MAGI2: variants seen among roughly 807,000 people sequenced by gnomAD.
MAGI2 encodes membrane associated guanylate kinase, WW and PDZ domain containing 2, also known as membrane-associated guanylate kinase, WW and PDZ domain-containing protein 2.
MAGI2 carries 35 observed loss-of-function variants against 133.3 expected under a neutral mutation model. The ratio of observed to expected loss-of-function variants is 0.26; its 90% CI spans 0.20 to 0.35. The LOEUF (loss-of-function observed/expected upper bound fraction) is 0.35. Ranked by LOEUF, MAGI2 falls within the 10% of genes least tolerant of loss-of-function variation. The pLI is 1.00. For synonymous variants in MAGI2, 729 were observed against 710.6 expected (o/e 1.03, Z -0.41); for missense variants, 1,636 against 1,863.4 (o/e 0.88, Z 2.25).
At chr7:78,395,993 C>T (rs1451384681) in intron 6 of MAGI2, among the ~76,000 whole-genome samples, 1 of 152,156 alleles carries the variant, frequency 6.6e-6, no homozygotes, top group Non-Finnish European at 1.5e-5. Context: ...GCTATGTGTT[C>T]TTGGATGCAG....
chr7:78,899,036 G>C (rs1797415165), intron 2 of MAGI2, among the ~76,000 whole-genome samples: 1 of 152,026 alleles, frequency 6.6e-6, no homozygotes, highest in South Asian at 2.1e-4. Flanking sequence ...TATTAATTAG[G>C]GGTTTTTTCT....
intron 14 of MAGI2, among the ~76,000 whole-genome samples, chr7:78,173,261 C>G (rs973304234): frequency 3.7e-4 from 56 of 152,324 alleles, no homozygotes; most frequent in South Asian, 8.3e-4. Flanking sequence ...TGCATTCACG[C>G]ATCTGAGCTT....
intron 3 of MAGI2, among the ~76,000 whole-genome samples, chr7:78,564,257 G>A (rs539630978): frequency 1.3e-5 from 2 of 152,212 alleles, no homozygotes; most frequent in South Asian, 2.1e-4. Context: ...TCTGCTCAGC[G>A]TTTTAGTATT....
chr7:79,310,311 G>T (rs1435549220), intron 1 of MAGI2, among the ~76,000 whole-genome samples: 2 of 151,366 alleles, frequency 1.3e-5, no homozygotes, highest in East Asian at 3.9e-4. Context: ...TCCATGGAGG[G>T]ATGAAAGAAC....
intron 10 of MAGI2, among the ~76,000 whole-genome samples, chr7:78,223,493 T>A (rs939810797): frequency 6.6e-6 from 1 of 152,196 alleles, no homozygotes; most frequent in Admixed American, 6.5e-5. Context: ...GGGGAGAGGA[T>A]AACTACCTCA....
chr7:78,212,971 A>G (rs930235110), intron 10 of MAGI2, among the ~76,000 whole-genome samples: 1 of 152,176 alleles, frequency 6.6e-6, no homozygotes, highest in Non-Finnish European at 1.5e-5. Context: ...CACCACACCC[A>G]GCCAAGACTT....
intron 2 of MAGI2, among the ~76,000 whole-genome samples, chr7:78,814,614 T>TTGTG (rs148365585): frequency 2.6e-5 from 4 of 151,748 alleles, no homozygotes; most frequent in East Asian, 1.9e-4. Context: ...TTTTATGTCT[T>TTGTG]TGTGTGTGTG....
chr7:79,280,004 G>A (rs147035394), intron 1 of MAGI2, among the ~76,000 whole-genome samples: 6 of 152,264 alleles, frequency 3.9e-5, no homozygotes, highest in African/African-American at 1.4e-4. Context: ...GAAACTAGGA[G>A]GAGGTCTTTT....
At chr7:78,034,033 T>C (rs1274702849) in intron 21 of MAGI2, among the ~76,000 whole-genome samples, 1 of 152,204 alleles carries the variant, frequency 6.6e-6, no homozygotes, top group African/African-American at 2.4e-5. Context: ...TGTGGTGTTT[T>C]AGGTTCTTTT....
chr7:78,094,614 A>G (rs1286377959), intron 20 of MAGI2, among the ~76,000 whole-genome samples: 1 of 151,962 alleles, frequency 6.6e-6, no homozygotes, highest in Non-Finnish European at 1.5e-5. Flanking sequence ...GAAAATCCTT[A>G]TTTTCTTATC....
chr7:78,347,184 T>G (rs1036611244), intron 7 of MAGI2: 8 of 152,222 alleles, frequency 5.3e-5, no homozygotes, highest in African/African-American at 9.7e-5. Flanking sequence ...GCACACACAC[T>G]TATTGTGTGT....
At chr7:78,512,721 G>A (rs999655088) in intron 4 of MAGI2, among the ~76,000 whole-genome samples, 1 of 152,066 alleles carries the variant, frequency 6.6e-6, no homozygotes, top group Non-Finnish European at 1.5e-5. Context: ...GTCTAGCCAG[G>A]GGTATGTGAA....
chr7:79,419,983 C>T lies in MAGI2; in HGVS notation c.301+33037G>A, dbSNP rs184964607. 1.8e-3 allele frequency among the ~76,000 whole-genome samples: 272 copies of T among 152,082 alleles called. 3 individuals carry two copies. The highest frequency in any genetic ancestry group is 6.4e-3 in the African/African-American group (264 of 41,558). ...AAGTTAATCAGCAGCCCATATTGGC[C>T]CACAAGGGCATATTATTGGTTACAT... On this transcript the variant is annotated intron_variant, in intron 1 of 21. Coordinates refer to ENST00000354212, the MANE Select transcript of MAGI2 (RefSeq NM_012301.4).
intron 10 of MAGI2, among the ~76,000 whole-genome samples, chr7:78,211,455 G>A (rs1319598584): frequency 6.6e-6 from 1 of 152,122 alleles, no homozygotes; most frequent in African/African-American, 2.4e-5. Context: ...CTAGCTATGT[G>A]GTCTCACATA....
At chr7:79,311,949 T>A (rs1838324247) in intron 1 of MAGI2, among the ~76,000 whole-genome samples, 1 of 152,112 alleles carries the variant, frequency 6.6e-6, no homozygotes, top group African/African-American at 2.4e-5. Flanking sequence ...AATTTGTATA[T>A]CCAGAATATC....
At chr7:78,289,721 C>T (rs1182638087) in intron 9 of MAGI2, among the ~76,000 whole-genome samples, 10 of 151,964 alleles carry the variant, frequency 6.6e-5, no homozygotes, top group Admixed American at 5.9e-4. Context: ...GTTGGGTTAC[C>T]CACAAAAGGA....
chr7:78,200,614 CACAT>C (rs1158036730), intron 11 of MAGI2, among the ~76,000 whole-genome samples: 1 of 151,984 alleles, frequency 6.6e-6, no homozygotes, highest in Non-Finnish European at 1.5e-5. Context: ...TACACAAAGA[CACAT>C]ACACACATTA....
intron 1 of MAGI2, among the ~76,000 whole-genome samples, chr7:79,171,364 T>G (rs1251248518): frequency 1.3e-5 from 2 of 152,018 alleles, no homozygotes; most frequent in Non-Finnish European, 2.9e-5. Flanking sequence ...ATATTGGAAT[T>G]AGGGGTCTAC....
intron 1 of MAGI2, among the ~76,000 whole-genome samples, chr7:79,169,807 G>A (rs955450790): frequency 6.6e-6 from 1 of 152,024 alleles, no homozygotes; most frequent in Non-Finnish European, 1.5e-5. Context: ...CCGGAATCCT[G>A]TAGCTGTTCA....
Sources: allele counts gnomAD v4.1 joint callset (sites outside exome capture counted in the v4.1 genomes callset), GRCh38; gene constraint gnomAD v4.1.1; transcripts MANE v1.5; gene names NCBI Gene and HGNC (gene_info 2026-07-23, HGNC 2026-07-21).